The following SNX29 variants were observed in gnomAD, a reference collection of about 807,000 sequenced individuals.
The protein encoded by SNX29 is sorting nexin-29.
SNX29 carries 78 observed loss-of-function variants against 102.1 expected under a neutral mutation model. The ratio of observed to expected loss-of-function variants is 0.76; its 90% confidence interval spans 0.64 to 0.92. The LOEUF is 0.92. SNX29 is among the 40% of genes least tolerant of loss of function. SNX29 has a pLI of 0.00. For missense variants in SNX29, 1,280 were observed against 1,061.7 expected (o/e 1.21, Z -2.86); for synonymous variants, 580 against 414.5 (o/e 1.40, Z -4.85).
chr16:12,038,266 G>A (rs1053068809), intron 4 of SNX29, among the ~76,000 whole-genome samples: 1 of 152,232 alleles, frequency 6.6e-6, no homozygotes, highest in African/African-American at 2.4e-5. Context: ...CACAGTGCCT[G>A]AACTAGAATT....
intron 16 of SNX29, among the ~76,000 whole-genome samples, chr16:12,379,342 T>C (rs1398635091): frequency 1.3e-5 from 2 of 152,200 alleles, no homozygotes; most frequent in Non-Finnish European, 2.9e-5. Flanking sequence ...GGTTGATCTT[T>C]AACTCCTGGG....
intron 8 of SNX29, among the ~76,000 whole-genome samples, chr16:12,054,379 T>G (rs1158284212): frequency 6.6e-6 from 1 of 152,242 alleles, no homozygotes. Flanking sequence ...GATTGAATAT[T>G]CTGCTTCTGG....
chr16:12,122,799 T>C (rs1235658066), intron 11 of SNX29, among the ~76,000 whole-genome samples: 1 of 152,104 alleles, frequency 6.6e-6, no homozygotes, highest in Non-Finnish European at 1.5e-5. Flanking sequence ...AACTTTTTCA[T>C]TGCCTATCAT....
chr16:12,006,012 TG>T (rs1308242942), intron 3 of SNX29, among the ~76,000 whole-genome samples: 1 of 152,154 alleles, frequency 6.6e-6, no homozygotes, highest in African/African-American at 2.4e-5. Flanking sequence ...TGATAACTGT[TG>T]TTTATGGCTA....
chr16:12,277,829 T>A, intron 14 of SNX29, 104 bp from the exon 15 acceptor site: 1 of 910,876 alleles, frequency 1.1e-6, no homozygotes, highest in East Asian at 2.7e-5. Context: ...GAGAGCTTTT[T>A]CAGTCTGAAG....
intron 13 of SNX29, among the ~76,000 whole-genome samples, chr16:12,144,800 G>C (rs1194267491): frequency 6.6e-6 from 1 of 152,160 alleles, no homozygotes; most frequent in Non-Finnish European, 1.5e-5. Flanking sequence ...CTGCTCGCTG[G>C]AAGCTCCTCC....
At chr16:12,104,973 C>A (rs755843221) in intron 11 of SNX29, among the ~76,000 whole-genome samples, 1 of 152,230 alleles carries the variant, frequency 6.6e-6, no homozygotes, top group South Asian at 2.1e-4. Context: ...GAAGAGTTGG[C>A]TCCAAATGCA....
At chr16:12,565,958 G>T (rs78405660) in intron 20 of SNX29, among the ~76,000 whole-genome samples, 1,647 of 152,162 alleles carry the variant, frequency 0.011, 24 homozygotes, top group African/African-American at 0.038. Context: ...CATCCTCAAT[G>T]ACACTGTGGC....
intron 13 of SNX29, among the ~76,000 whole-genome samples, chr16:12,152,320 G>A (rs902070263): frequency 6.6e-6 from 1 of 152,198 alleles, no homozygotes; most frequent in Non-Finnish European, 1.5e-5. Flanking sequence ...CCAAGCACAT[G>A]TTGGAATTAT....
chr16:12,088,005 G>T (rs968683941), intron 11 of SNX29: 4 of 456,678 alleles, frequency 8.8e-6, no homozygotes, highest in South Asian at 1.5e-5. Context: ...ATGGTCCTTT[G>T]GGGGGTATGA....
rs60761477 is a variant in SNX29 at position 11,982,423 on chromosome 16, G to GTT, written c.7+5628_7+5629dup. 4.5e-3 allele frequency among the ~76,000 whole-genome samples: 541 copies of GTT among 120,376 alleles called. 8 individuals carry two copies. The highest frequency in any genetic ancestry group is 0.011 in the African/African-American group (369 of 32,998). The allele number at this position is 120,376 out of a possible 152,430, so 79.0% of individuals were successfully genotyped here. On this transcript the variant is annotated intron_variant, in intron 1 of 20. Coordinates refer to ENST00000566228, the MANE Select transcript of SNX29 (RefSeq NM_032167.5). ...AGTTCCTGGATGCTCCTTTCCATCA[G>GTT]TTTTTTTTTTTTTTTTTTTGTTTTG... is the stretch of plus-strand genomic sequence containing the variant.
chr16:12,280,119 C>T (rs954579781), intron 15 of SNX29, among the ~76,000 whole-genome samples: 4 of 152,120 alleles, frequency 2.6e-5, no homozygotes, highest in Non-Finnish European at 5.9e-5. Context: ...ATTCGTGGGC[C>T]GGGTGGTTGG....
At chr16:12,558,493 TTTA>T (rs2078514538) in intron 20 of SNX29, among the ~76,000 whole-genome samples, 3 of 152,220 alleles carry the variant, frequency 2.0e-5, no homozygotes, top group African/African-American at 7.2e-5. Flanking sequence ...ACAGTGCATC[TTTA>T]GTTTTTAATG....
chr16:12,490,303 G>A (rs1470526993), intron 19 of SNX29, among the ~76,000 whole-genome samples: 1 of 152,196 alleles, frequency 6.6e-6, no homozygotes, highest in Admixed American at 6.5e-5. Context: ...TTGCCTGTAT[G>A]TACTCCTTTG....
At position 12,444,183 on chromosome 16, in the gene SNX29, T is replaced by C. The variant is rs1275217204; in HGVS notation, c.2038-33536T>C. Among the ~76,000 whole-genome samples, 5 of 152,140 alleles carry C rather than the reference T, an allele frequency of 3.3e-5. No individual in the cohort carries two copies. In the East Asian group the frequency reaches 9.7e-4, roughly 29 times the overall value. Reference sequence around the variant, plus strand: ...CACCTAGCATGTAATAAGCACTCAATATAGCACCTAGGACATAGTAAGCAC... The same window carrying C: ...CACCTAGCATGTAATAAGCACTCAACATAGCACCTAGGACATAGTAAGCAC... On this transcript the variant is annotated intron_variant, in intron 18 of 20. Transcript: ENST00000566228.
chr16:12,080,081 C>G (rs1252214665), intron 11 of SNX29, among the ~76,000 whole-genome samples: 1 of 152,112 alleles, frequency 6.6e-6, no homozygotes, highest in South Asian at 2.1e-4. Flanking sequence ...TCCTAGATTA[C>G]AAAATGGGCT....
At chr16:12,281,632 C>G (rs142535845) in intron 15 of SNX29, among the ~76,000 whole-genome samples, 2 of 152,274 alleles carry the variant, frequency 1.3e-5, no homozygotes, top group African/African-American at 4.8e-5. Flanking sequence ...ACTGTTAGAT[C>G]CAGGCACTGT....
intron 19 of SNX29, among the ~76,000 whole-genome samples, chr16:12,503,471 G>C (rs899370995): frequency 1.3e-5 from 2 of 152,158 alleles, no homozygotes; most frequent in African/African-American, 4.8e-5. Flanking sequence ...GGCAGCCCAG[G>C]GAAGGAGGGT....
intron 11 of SNX29, among the ~76,000 whole-genome samples, chr16:12,082,444 C>T (rs1056322374): frequency 5.9e-5 from 9 of 152,194 alleles, no homozygotes; most frequent in Admixed American, 2.0e-4. Flanking sequence ...CGCTTTCTGT[C>T]TTTGAGGAAG....
Sources: gnomAD v4.1 joint callset for allele counts (sites outside exome capture counted in the v4.1 genomes callset) on GRCh38, gnomAD v4.1.1 for gene constraint, MANE v1.5 for transcripts, NCBI Gene and HGNC (gene_info 2026-07-23, HGNC 2026-07-21) for gene names.